The following DLGAP1 variants were observed in gnomAD, a reference collection of about 807,000 sequenced individuals.
The protein encoded by DLGAP1 is disks large-associated protein 1.
In DLGAP1, 11 loss-of-function variants were observed where a neutral mutation model predicts 90.8. That is an observed-to-expected ratio of 0.12 (90% CI 0.08 to 0.20). The LOEUF is 0.20. DLGAP1 is among the 10% of genes least tolerant of loss of function. The probability of loss-of-function intolerance (pLI) is 1.00; values close to 1 mark genes in which losing one functional copy is unlikely to be tolerated. For missense variants in DLGAP1, 1,050 were observed against 1,333.8 expected, an observed-to-expected ratio of 0.79 and a Z score of 3.31; for synonymous variants, 558 against 540.7, an observed-to-expected ratio of 1.03 and a Z score of -0.44.
At chr18:4,422,184 AATAT>A in intron 1 of DLGAP1, among the ~76,000 whole-genome samples, 1 of 151,680 alleles carries the variant, frequency 6.6e-6, no homozygotes, top group African/African-American at 2.4e-5. Flanking sequence ...CTTAATTTAT[AATAT>A]ATATATAAAC....
chr18:3,541,198 A>T (rs956548175), intron 9 of DLGAP1, among the ~76,000 whole-genome samples: 1 of 152,170 alleles, frequency 6.6e-6, no homozygotes, highest in African/African-American at 2.4e-5. Context: ...CTTTCTGCAC[A>T]CTAAGTTATT....
At chr18:4,106,090 T>C (rs2075862041) in intron 2 of DLGAP1, among the ~76,000 whole-genome samples, 1 of 151,982 alleles carries the variant, frequency 6.6e-6, no homozygotes, top group African/African-American at 2.4e-5. Flanking sequence ...TGCTTAATTT[T>C]TAAAAAAGGT....
In DLGAP1 at chr18:3,517,417, G is replaced by A. The variant is rs1045258015; in HGVS notation, c.2480-8756C>T. On this transcript the variant is annotated intron_variant, in intron 10 of 12. Coordinates refer to ENST00000315677, the MANE Select transcript of DLGAP1 (RefSeq NM_004746.4). This position sits in a 1 kb window ranked among gnomAD's most constrained non-coding sequence, Gnocchi z 4.1. ...TCCATCATCACTAGGAATTCACCTTGCATTATATTACAGAGACAGTTTCTT... is the reference window on the plus strand; with the variant it reads ...TCCATCATCACTAGGAATTCACCTTACATTATATTACAGAGACAGTTTCTT... Among the ~76,000 whole-genome samples the A allele has an allele frequency of 7.9e-5, 12 of 152,198 alleles. No homozygotes were observed. The highest frequency in any genetic ancestry group is 1.8e-4 in the Non-Finnish European group (12 of 68,032).
chr18:3,667,166 C>T (rs2059914637), intron 7 of DLGAP1, among the ~76,000 whole-genome samples: 1 of 152,068 alleles, frequency 6.6e-6, no homozygotes, highest in African/African-American at 2.4e-5. Context: ...CAACCTCCAC[C>T]TCCCAGACTC....
At chr18:3,616,775 C>G (rs1342158814) in intron 7 of DLGAP1, among the ~76,000 whole-genome samples, 1 of 151,200 alleles carries the variant, frequency 6.6e-6, no homozygotes, top group Non-Finnish European at 1.5e-5. Context: ...AAGAAACAAA[C>G]AAACTGGAAA....
At chr18:4,161,023 T>C (rs1018064503) in intron 1 of DLGAP1, among the ~76,000 whole-genome samples, 6 of 146,952 alleles carry the variant, frequency 4.1e-5, no homozygotes, top group African/African-American at 1.4e-4. Context: ...GATTTTGTTT[T>C]CCTTATGCTT....
At chr18:3,634,184 T>G (rs973131699) in intron 7 of DLGAP1, among the ~76,000 whole-genome samples, 3 of 152,000 alleles carry the variant, frequency 2.0e-5, no homozygotes, top group Non-Finnish European at 2.9e-5. Context: ...TTATAGAGAC[T>G]TTTTTCTTTA....
intron 1 of DLGAP1, among the ~76,000 whole-genome samples, chr18:4,286,545 G>A (rs553234219): frequency 1.5e-4 from 23 of 152,226 alleles, no homozygotes; most frequent in East Asian, 7.8e-4. Context: ...TACAGCAGCC[G>A]TTTAGCACAG....
At chr18:4,152,106 T>G in intron 1 of DLGAP1, among the ~76,000 whole-genome samples, 1 of 152,354 alleles carries the variant, frequency 6.6e-6, no homozygotes, top group Admixed American at 6.5e-5. Context: ...ATGAGTTTCC[T>G]TTCTGAAAAG....
At chr18:4,266,925 G>C (rs2079143733) in intron 1 of DLGAP1, among the ~76,000 whole-genome samples, 1 of 151,644 alleles carries the variant, frequency 6.6e-6, no homozygotes, top group South Asian at 2.1e-4. Context: ...ATATAAATTT[G>C]GCATTTTGAT....
chr18:4,070,712 A>G (rs1234057815), intron 2 of DLGAP1, among the ~76,000 whole-genome samples: 1 of 152,070 alleles, frequency 6.6e-6, no homozygotes, highest in Non-Finnish European at 1.5e-5. Context: ...CCATATGGAT[A>G]AAAAGGTTGG....
intron 3 of DLGAP1, among the ~76,000 whole-genome samples, chr18:3,921,348 C>T (rs1477501182): frequency 2.0e-5 from 3 of 152,088 alleles, no homozygotes; most frequent in African/African-American, 2.4e-5. Context: ...AGTTGTTTCC[C>T]AGAGCATGAT....
At chr18:4,242,296 TTC>T (rs1235336310) in intron 1 of DLGAP1, among the ~76,000 whole-genome samples, 1 of 152,148 alleles carries the variant, frequency 6.6e-6, no homozygotes, top group Non-Finnish European at 1.5e-5. Context: ...ATTTTATGCA[TTC>T]TTTTTTTAAT....
At chr18:3,838,188 T>A (rs2068513748) in intron 4 of DLGAP1, among the ~76,000 whole-genome samples, 1 of 152,240 alleles carries the variant, frequency 6.6e-6, no homozygotes, top group African/African-American at 2.4e-5. Context: ...TCATACCACA[T>A]GCACAGGGCT....
chr18:3,819,629 G>A (rs1489577511), intron 4 of DLGAP1, among the ~76,000 whole-genome samples: 1 of 152,088 alleles, frequency 6.6e-6, no homozygotes, highest in Non-Finnish European at 1.5e-5. Context: ...CTATCATGAA[G>A]GATATGAAGA....
intron 3 of DLGAP1, among the ~76,000 whole-genome samples, chr18:3,944,357 A>G (rs912943654): frequency 6.6e-6 from 1 of 152,150 alleles, no homozygotes; most frequent in Non-Finnish European, 1.5e-5. Flanking sequence ...TTAGCTGGGC[A>G]TGGTGGTGCG....
intron 2 of DLGAP1, among the ~76,000 whole-genome samples, chr18:4,083,905 T>C (rs1426369929): frequency 6.6e-6 from 1 of 152,178 alleles, no homozygotes; most frequent in East Asian, 1.9e-4. Context: ...AATGAGACCC[T>C]CTGCCTTATC....
chr18:3,771,203 A>T (rs1011675157), intron 5 of DLGAP1: 3 of 152,218 alleles, frequency 2.0e-5, no homozygotes, highest in Non-Finnish European at 4.4e-5. Context: ...TAGACAATAA[A>T]TAAACAAAGC....
chr18:4,222,301 T>C (rs1186537844), intron 1 of DLGAP1, among the ~76,000 whole-genome samples: 2 of 152,166 alleles, frequency 1.3e-5, no homozygotes, highest in South Asian at 2.1e-4. Context: ...ACCATGCTTG[T>C]TTCTGGTGTT....
Sources: gnomAD v4.1 joint callset for allele counts (sites outside exome capture counted in the v4.1 genomes callset) on GRCh38, gnomAD v4.1.1 for gene constraint, Gnocchi (gnomAD v3.1) non-coding constraint, MANE v1.5 for transcripts, NCBI Gene and HGNC (gene_info 2026-07-23, HGNC 2026-07-21) for gene names.